Variants in NIBAN2 observed in about 807,000 individuals in gnomAD.
NIBAN2 encodes the protein protein Niban 2.
In NIBAN2, 36 loss-of-function variants were observed where a neutral mutation model predicts 81.8. The observed-to-expected ratio is 0.44, with a 90% CI of 0.34 to 0.58. The LOEUF (loss-of-function observed/expected upper bound fraction) is 0.58. NIBAN2 is among the 20% of genes least tolerant of loss of function. The pLI, the probability that NIBAN2 is intolerant of heterozygous loss-of-function variation, is 0.02. For missense variants in NIBAN2, 897 were observed against 1,014.1 expected (o/e 0.88, Z 1.57); for synonymous variants, 445 against 441.6 (o/e 1.01, Z -0.10).
intron 1 of NIBAN2, among the ~76,000 whole-genome samples, chr9:127,557,484 G>C (rs1837693199): frequency 6.6e-6 from 1 of 152,140 alleles, no homozygotes; most frequent in Admixed American, 6.5e-5. Flanking sequence ...AGGGGAGGGA[G>C]GGCGGGGGCT....
At position 127,508,895 on chromosome 9, in the gene NIBAN2, G is replaced by A. The variant is rs952134399; in HGVS notation, c.1317+81C>T. ...CGTGGCTATGGCATGACGGGACGGA[G>A]CAGAAGGGACCCCCTGGGCGAGGGG... is the stretch of plus-strand genomic sequence containing the variant. On this transcript the variant is annotated intron_variant, in intron 10 of 13. Transcript: ENST00000373312. The surrounding 1 kb of genome is among the most constrained non-coding windows in gnomAD (Gnocchi z 6.4). The A allele has an allele frequency of 5.3e-6, 8 of 1,512,228 alleles. No individual in the cohort carries two copies. The highest frequency in any genetic ancestry group is 4.5e-5 in the East Asian group (2 of 44,404). The allele number at this position is 1,512,228 out of a possible 1,614,324, so 93.7% of individuals were successfully genotyped here. A position where few individuals can be genotyped will look rare whatever the true frequency, so the allele number is the denominator to read the frequency against.
intron 9 of NIBAN2, 128 bp downstream of exon 9, chr9:127,510,018 A>G (rs1269900181): frequency 2.4e-6 from 2 of 833,216 alleles, no homozygotes; most frequent in Admixed American, 5.4e-5. Context: ...AGTCCCCAGC[A>G]GCCCCTCCCC....
intron 8 of NIBAN2, 58 bp downstream of exon 8, chr9:127,516,799 A>G: frequency 6.6e-7 from 1 of 1,515,756 alleles, no homozygotes; most frequent in Non-Finnish European, 9.0e-7. Flanking sequence ...TCATGAAATA[A>G]AAAGAAAGTC....
rs535767116 is a variant in NIBAN2 at position 127,563,807 on chromosome 9, C to T, written c.55+5013G>A. Among the ~76,000 whole-genome samples, 27 of 152,284 alleles carry T rather than the reference C, an allele frequency of 1.8e-4. No homozygotes were observed. Among genetic ancestry groups the T allele is most frequent in the African/African-American group, 6.5e-4 (27 of 41,566 alleles). On this transcript the variant is annotated intron_variant, in intron 1 of 13. Transcript: ENST00000373312. The surrounding 1 kb of genome is among the most constrained non-coding windows in gnomAD (Gnocchi z 4.1). ...GGAATTACAAGCGTGAGTCACCGCG[C>T]CCAGCAGAGAGGTAAGTTTTTAAAA...
intron 5 of NIBAN2, among the ~76,000 whole-genome samples, chr9:127,518,923 C>T (rs1429369737): frequency 6.6e-6 from 1 of 152,170 alleles, no homozygotes; most frequent in Non-Finnish European, 1.5e-5. Context: ...CCTGCAATCC[C>T]AGTACTTTGG....
chr9:127,568,071 C>A (rs191013132), intron 1 of NIBAN2, among the ~76,000 whole-genome samples: 1 of 152,148 alleles, frequency 6.6e-6, no homozygotes, highest in Non-Finnish European at 1.5e-5. Flanking sequence ...TCCCCAGGAG[C>A]CTTGGGGACA....
chr9:127,561,567 G>A lies in NIBAN2; in HGVS notation c.55+7253C>T, dbSNP rs191078902. 1.8e-3 allele frequency among the ~76,000 whole-genome samples: 269 copies of A among 152,272 alleles called. 2 individuals are homozygous for A. Among genetic ancestry groups the A allele is most frequent in the Non-Finnish European group, 1.8e-3 (122 of 68,018 alleles). On this transcript the variant is annotated intron_variant, in intron 1 of 13. Transcript: ENST00000373312. ...CCCCCGAACACCAGTCCATCCAGTG[G>A]CAGAGCCAGGACTCAAACCCAGTCT... is the stretch of plus-strand genomic sequence containing the variant.
At chr9:127,526,308 G>A (rs1837061526) in intron 3 of NIBAN2, among the ~76,000 whole-genome samples, 1 of 148,662 alleles carries the variant, frequency 6.7e-6, no homozygotes, top group Non-Finnish European at 1.5e-5. Flanking sequence ...GCTGAGGCAG[G>A]AGAATCACTT....
At chr9:127,519,383 G>A (rs1427230934) in intron 5 of NIBAN2, among the ~76,000 whole-genome samples, 1 of 152,082 alleles carries the variant, frequency 6.6e-6, no homozygotes, top group Non-Finnish European at 1.5e-5. Context: ...GGGGTAAGAA[G>A]GTGGTCAAAC....
At chr9:127,537,300 G>A (rs1021828779) in intron 1 of NIBAN2, among the ~76,000 whole-genome samples, 4 of 152,238 alleles carry the variant, frequency 2.6e-5, no homozygotes, top group East Asian at 1.9e-4. Flanking sequence ...ACCGGATAGC[G>A]TTTGAGGTGC....
At chr9:127,519,574 C>G (rs923777319) in intron 5 of NIBAN2, among the ~76,000 whole-genome samples, 12 of 152,268 alleles carry the variant, frequency 7.9e-5, no homozygotes, top group African/African-American at 2.7e-4. Flanking sequence ...CCTCCTCTCC[C>G]CACACCCAGC....
At chr9:127,531,082 A>T (rs1288989322) in intron 2 of NIBAN2, among the ~76,000 whole-genome samples, 2 of 151,700 alleles carry the variant, frequency 1.3e-5, no homozygotes, top group Non-Finnish European at 2.9e-5. Context: ...GGGGAGACTG[A>T]GGTGGAAGGA....
intron 1 of NIBAN2, among the ~76,000 whole-genome samples, chr9:127,577,415 C>CTAGAGTTCAGCT: frequency 6.6e-6 from 1 of 151,602 alleles, no homozygotes; most frequent in South Asian, 2.1e-4. Flanking sequence ...AGATCCAATA[C>CTAGAGTTCAGCT]CCCACACTTC....
chr9:127,568,599 C>T (rs985043491), intron 1 of NIBAN2, among the ~76,000 whole-genome samples: 1 of 151,976 alleles, frequency 6.6e-6, no homozygotes, highest in East Asian at 2.0e-4. Context: ...GTTCCGAGTC[C>T]CCTTGAGCCG....
At chr9:127,569,113 G>A (rs1334539785), upstream of NIBAN2, 22 of 865,994 alleles carry the variant, frequency 2.5e-5, no homozygotes, top group Non-Finnish European at 2.6e-5. Flanking sequence ...CCGGCGCCCC[G>A]CTCCGCCCCA....
intron 1 of NIBAN2, among the ~76,000 whole-genome samples, chr9:127,566,968 T>C (rs930485245): frequency 6.7e-6 from 1 of 149,544 alleles, no homozygotes; most frequent in Admixed American, 6.7e-5. Flanking sequence ...AAGAGGATTA[T>C]AAATAGCACT....
Position 127,510,148 on chromosome 9 carries a change from C to G in NIBAN2, c.1159G>C (p.Glu387Gln), listed in dbSNP as rs750871615. Residue 387 changes from glutamate (E) to glutamine (Q), a missense_variant and splice_region_variant, in exon 9 of 14, where the codon GAG becomes CAG. Physicochemically the swap from Glu to Gln is conservative, Grantham distance 29. This residue lies in a region of NIBAN2 where 619 missense variants were observed against 691.0 expected (regional missense o/e 0.90). Coordinates refer to ENST00000373312, the MANE Select transcript of NIBAN2 (RefSeq NM_022833.4). ...CCTAGGGGCGGTGCCGGCCTCACCTCGCCCAGCTTGTCAATGCCGCCCTCG... is the reference window on the plus strand; with the variant it reads ...CCTAGGGGCGGTGCCGGCCTCACCTGGCCCAGCTTGTCAATGCCGCCCTCG... ...INEGGIDKLGEYMEKLSRLAY... is the reference protein window; with the variant it reads ...INEGGIDKLGQYMEKLSRLAY... 1 of 1,609,158 alleles carries G rather than the reference C, an allele frequency of 6.2e-7. No homozygotes were observed. Among genetic ancestry groups the G allele is most frequent in the East Asian group, 2.2e-5 (1 of 44,772 alleles).
intron 1 of NIBAN2, among the ~76,000 whole-genome samples, chr9:127,546,684 G>A (rs1489161673): frequency 2.6e-5 from 4 of 152,276 alleles, no homozygotes; most frequent in East Asian, 3.9e-4. Flanking sequence ...GATGTCAGGC[G>A]AGTCACCAAG....
At chr9:127,528,622 C>T (rs1338607080) in intron 2 of NIBAN2, among the ~76,000 whole-genome samples, 1 of 152,114 alleles carries the variant, frequency 6.6e-6, no homozygotes, top group African/African-American at 2.4e-5. Context: ...CCATTGTGCT[C>T]ACACAATAGG....
Sources: allele counts gnomAD v4.1 joint callset (sites outside exome capture counted in the v4.1 genomes callset), GRCh38; gene constraint gnomAD v4.1.1; regional missense constraint gnomAD v4.1.1; non-coding constraint Gnocchi (gnomAD v3.1); transcripts MANE v1.5; gene names NCBI Gene and HGNC (gene_info 2026-07-23, HGNC 2026-07-21).